Variants in PTK7 observed in about 807,000 individuals in gnomAD.
PTK7 encodes inactive tyrosine-protein kinase 7.
A neutral mutation model predicts 116.6 loss-of-function variants in PTK7; 39 were observed. The ratio of observed to expected loss-of-function variants is 0.33; its 90% CI spans 0.26 to 0.44. The LOEUF is 0.44. Among genes scored for constraint, PTK7 ranks in the 20% least tolerant of loss-of-function variants. PTK7 has a pLI of 1.00. For missense variants in PTK7, 1,169 were observed against 1,425.6 expected (o/e 0.82, Z 2.90); for synonymous variants, 546 against 563.6 (o/e 0.97, Z 0.44).
intron 17 of PTK7, among the ~76,000 whole-genome samples, chr6:43,151,569 G>A (rs188000828): frequency 7.7e-6 from 1 of 130,686 alleles, no homozygotes; most frequent in East Asian, 2.4e-4. Context: ...GTCTCACTCC[G>A]TCGCCAGGCT....
At chr6:43,108,094 C>CTTT (rs1327874500) in intron 1 of PTK7, among the ~76,000 whole-genome samples, 5 of 137,408 alleles carry the variant, frequency 3.6e-5, no homozygotes, top group African/African-American at 8.1e-5. Flanking sequence ...GCTGCTTTAA[C>CTTT]TTTTTTTTTT....
chr6:43,093,183 C>CTTTTTTTT (rs72414606), intron 1 of PTK7, among the ~76,000 whole-genome samples: 6 of 84,782 alleles, frequency 7.1e-5, no homozygotes, highest in African/African-American at 1.0e-4. Context: ...ATAGGATCTC[C>CTTTTTTTT]TTTTTTTTTT....
chr6:43,118,665 ATATATATATATATATATATATATG>A (rs1486729915), intron 1 of PTK7, among the ~76,000 whole-genome samples: 16 of 62,786 alleles, frequency 2.5e-4, no homozygotes, highest in African/African-American at 9.6e-4. Flanking sequence ...CTCTCTATAT[ATATATATATATATATATATATATG>A]TATATATGTA....
intron 1 of PTK7, among the ~76,000 whole-genome samples, chr6:43,104,703 C>T (rs1767767825): frequency 6.6e-6 from 1 of 151,826 alleles, no homozygotes; most frequent in Non-Finnish European, 1.5e-5. Flanking sequence ...GCTGGGATTA[C>T]AGGTGTCAGC....
intron 1 of PTK7, among the ~76,000 whole-genome samples, chr6:43,098,757 A>G (rs1172459141): frequency 7.4e-6 from 1 of 135,646 alleles, no homozygotes; most frequent in Non-Finnish European, 1.6e-5. Flanking sequence ...AAATAAAATC[A>G]TATTTACAAC....
chr6:43,084,781 C>T (rs1254304179), intron 1 of PTK7, among the ~76,000 whole-genome samples: 1 of 151,984 alleles, frequency 6.6e-6, no homozygotes, highest in African/African-American at 2.4e-5. Flanking sequence ...GATGTAGGAG[C>T]AAATAGGGGG....
chr6:43,126,854 G>A (rs1769318281), intron 1 of PTK7, among the ~76,000 whole-genome samples: 1 of 152,196 alleles, frequency 6.6e-6, no homozygotes, highest in Non-Finnish European at 1.5e-5. Context: ...ACAGCAGGTG[G>A]AATAGCTCAC....
At position 43,139,073 on chromosome 6, in the gene PTK7, A is replaced by C; in HGVS notation, c.1363-63A>C. 6.2e-7 allele frequency: 1 copy of C among 1,610,496 alleles called. No homozygotes were observed. The highest frequency in any genetic ancestry group is 8.5e-7 in the Non-Finnish European group (1 of 1,177,606). The stretch of plus-strand genomic sequence containing the variant: ...CACCTCCATAGCACTCTTACCCTGG[A>C]GGCAGCCTCCAGGGAGAGGTGGGTG... On this transcript the variant is annotated intron_variant, in intron 8 of 19. Transcript: ENST00000230419. The surrounding 1 kb of genome is among the most constrained non-coding windows in gnomAD (Gnocchi z 4.6).
chr6:43,150,186 G>A (rs890632406), intron 17 of PTK7, among the ~76,000 whole-genome samples: 17 of 152,218 alleles, frequency 1.1e-4, no homozygotes, highest in Non-Finnish European at 8.8e-5. Context: ...GCTTTATGCA[G>A]TCAGATGCCG....
At chr6:43,146,586 G>C in intron 16 of PTK7, 32 bp from the exon 17 acceptor site, 1 of 1,597,614 alleles carries the variant, frequency 6.3e-7, no homozygotes, top group East Asian at 2.2e-5. Context: ...GCTGTGCACT[G>C]ACCTGAGCGA....
rs1408539040 is a variant in PTK7, at chr6:43,130,497, C to G, written c.662-14C>G. On this transcript the variant is annotated splice_polypyrimidine_tract_variant and intron_variant, in intron 4 of 19. Coordinates refer to ENST00000230419, the MANE Select transcript of PTK7 (RefSeq NM_002821.5). ...CCACCCAGGCTGCATGCTCCCCCAT[C>G]TTTCCCTCTCCAGATGAAAGCTTTG... is the stretch of plus-strand genomic sequence containing the variant. 1.2e-6 allele frequency: 2 copies of G among 1,612,888 alleles called. No homozygotes were observed. Among genetic ancestry groups the G allele is most frequent in the Admixed American group, 1.7e-5 (1 of 59,904 alleles).
intron 16 of PTK7, among the ~76,000 whole-genome samples, chr6:43,146,365 T>C (rs1770725979): frequency 1.3e-5 from 2 of 152,150 alleles, no homozygotes; most frequent in Non-Finnish European, 2.9e-5. Context: ...GCCCCACCTG[T>C]CTGGAGGTTC....
At chr6:43,099,342 C>T (rs985965360) in intron 1 of PTK7, among the ~76,000 whole-genome samples, 1 of 151,636 alleles carries the variant, frequency 6.6e-6, no homozygotes, top group African/African-American at 2.4e-5. Flanking sequence ...AAGCAATCCT[C>T]CCACCTCAGC....
chr6:43,157,812 C>T (rs889126441), intron 17 of PTK7, among the ~76,000 whole-genome samples: 2 of 151,668 alleles, frequency 1.3e-5, no homozygotes, highest in Admixed American at 6.6e-5. Flanking sequence ...CCACAACCTC[C>T]GCCTGCTGGG....
rs907475625 is a variant in PTK7, at chr6:43,123,513, T to C, written c.80-5464T>C. The stretch of plus-strand genomic sequence containing the variant: ...ACAATTGTGTTTACACATATGTGTG[T>C]GTATACACGCACACATATGCACACA... On this transcript the variant is annotated intron_variant, in intron 1 of 19. Transcript: ENST00000230419. 1.5e-4 allele frequency among the ~76,000 whole-genome samples: 23 copies of C among 151,000 alleles called. No individual in the cohort carries two copies. The East Asian group carries it at 2.4e-3, about 15-fold the overall frequency.
At chr6:43,152,959 T>G (rs1056091784) in intron 17 of PTK7, among the ~76,000 whole-genome samples, 1 of 151,122 alleles carries the variant, frequency 6.6e-6, no homozygotes, top group African/African-American at 2.4e-5. Context: ...CTAATTTTTG[T>G]ATTTTTAGTA....
chr6:43,132,417 G>A lies in PTK7; in HGVS notation c.962-4G>A. 1 of 1,565,450 alleles carries A rather than the reference G, an allele frequency of 6.4e-7. No individual in the cohort carries two copies. Among genetic ancestry groups the A allele is most frequent in the Middle Eastern group, 1.7e-4 (1 of 5,828 alleles). Reference sequence around the variant, plus strand: ...GGCCATTCCTCCTACTTATGTCCTTGCAGAGATTGAAGACATGCCGCTATT... The same window carrying A: ...GGCCATTCCTCCTACTTATGTCCTTACAGAGATTGAAGACATGCCGCTATT... On this transcript the variant is annotated splice_polypyrimidine_tract_variant and splice_region_variant and intron_variant, in intron 6 of 19. Coordinates refer to ENST00000230419, the MANE Select transcript of PTK7 (RefSeq NM_002821.5).
chr6:43,078,198 A>G (rs1293864710), intron 1 of PTK7, among the ~76,000 whole-genome samples: 2 of 152,042 alleles, frequency 1.3e-5, no homozygotes, highest in Non-Finnish European at 2.9e-5. Context: ...AATTCCTTCC[A>G]TGAGAAGATG....
chr6:43,108,829 A>T (rs1194495645), intron 1 of PTK7, among the ~76,000 whole-genome samples: 1 of 152,218 alleles, frequency 6.6e-6, no homozygotes, highest in Non-Finnish European at 1.5e-5. Context: ...AGAAGCCATC[A>T]CTAATCATTG....
Sources: gnomAD v4.1 joint callset for allele counts (sites outside exome capture counted in the v4.1 genomes callset) on GRCh38, gnomAD v4.1.1 for gene constraint, Gnocchi (gnomAD v3.1) non-coding constraint, MANE v1.5 for transcripts, NCBI Gene and HGNC (gene_info 2026-07-23, HGNC 2026-07-21) for gene names.